The following SLIT2 variants were observed in gnomAD, a reference collection of about 807,000 sequenced individuals.
The protein encoded by SLIT2 is slit guidance ligand 2.
A neutral mutation model predicts 185.7 loss-of-function variants in SLIT2; 41 were observed. The observed-to-expected ratio is 0.22, with a 90% CI of 0.17 to 0.29. The LOEUF (loss-of-function observed/expected upper bound fraction) is 0.29. Among genes scored for constraint, SLIT2 ranks in the 10% least tolerant of loss-of-function variants. SLIT2 has a pLI of 1.00. For synonymous variants in SLIT2, 693 were observed against 680.2 expected, an observed-to-expected ratio of 1.02 and a Z score of -0.29; for missense variants, 1,571 against 1,909.0, an observed-to-expected ratio of 0.82 and a Z score of 3.30.
chr4:20,422,610 C>T (rs1728247579), intron 4 of SLIT2, among the ~76,000 whole-genome samples: 1 of 151,992 alleles, frequency 6.6e-6, no homozygotes, highest in Non-Finnish European at 1.5e-5. Flanking sequence ...TAATGAGAGG[C>T]AGTGGGCAGA....
chr4:20,455,546 A>G (rs1259306201), intron 4 of SLIT2, among the ~76,000 whole-genome samples: 1 of 152,184 alleles, frequency 6.6e-6, no homozygotes, highest in South Asian at 2.1e-4. Flanking sequence ...TGCTGCATTC[A>G]TCAGCCAAGA....
chr4:20,312,789 A>T (rs1000603002), intron 4 of SLIT2, among the ~76,000 whole-genome samples: 3 of 150,654 alleles, frequency 2.0e-5, no homozygotes, highest in African/African-American at 7.3e-5. Flanking sequence ...AAAAAAAAAA[A>T]AAAAGAAAGA....
intron 4 of SLIT2, among the ~76,000 whole-genome samples, chr4:20,313,298 G>A (rs924353130): frequency 1.3e-5 from 2 of 152,176 alleles, no homozygotes; most frequent in African/African-American, 4.8e-5. Flanking sequence ...CAAAGCTGGA[G>A]CAGGCACATC....
chr4:20,315,133 G>T (rs557692187), intron 4 of SLIT2, among the ~76,000 whole-genome samples: 41 of 152,140 alleles, frequency 2.7e-4, no homozygotes, highest in African/African-American at 9.2e-4. Flanking sequence ...TCAATACTGT[G>T]TATATTATTA....
Position 20,253,345 on chromosome 4 carries a change from T to G in SLIT2, c.-471T>G. On this transcript the variant is annotated 5_prime_UTR_variant, in exon 1 of 37. Transcript: ENST00000504154. Reference sequence around the variant, plus strand: ...ACTTTGATCGGGGCCATAATACCTATTGAGATCCCCTCTTCTGTCTTGTAC... The same window carrying G: ...ACTTTGATCGGGGCCATAATACCTAGTGAGATCCCCTCTTCTGTCTTGTAC... 6.2e-6 allele frequency: 1 copy of G among 161,788 alleles called. No individual in the cohort carries two copies. The highest frequency in any genetic ancestry group is 1.9e-4 in the East Asian group (1 of 5,400). The allele number at this position is 161,788 out of a possible 1,614,324, so 10.0% of individuals were successfully genotyped here.
intron 4 of SLIT2, among the ~76,000 whole-genome samples, chr4:20,356,861 CA>C (rs1722368329): frequency 6.6e-6 from 1 of 152,086 alleles, no homozygotes; most frequent in South Asian, 2.1e-4. Context: ...TCAGGGACTC[CA>C]GCCACTGGTG....
chr4:20,456,020 C>A (rs759190775), intron 4 of SLIT2, among the ~76,000 whole-genome samples: 2 of 152,042 alleles, frequency 1.3e-5, no homozygotes, highest in Non-Finnish European at 2.9e-5. Context: ...TATTTATAGA[C>A]CACTTTTACA....
rs1553908244 is a variant in SLIT2 at position 20,472,250 on chromosome 4, A to ATATCGATATATATC, written c.467+4430_467+4431insCGATATATATCTAT. Among the ~76,000 whole-genome samples, 33 of 43,978 alleles carry ATATCGATATATATC rather than the reference A, an allele frequency of 7.5e-4. 4 individuals are homozygous for ATATCGATATATATC. Among genetic ancestry groups the ATATCGATATATATC allele is most frequent in the African/African-American group, 2.8e-3 (29 of 10,526 alleles). The allele number at this position is 43,978 out of a possible 152,430, so 28.9% of individuals were successfully genotyped here. On this transcript the variant is annotated intron_variant, in intron 5 of 36. Transcript: ENST00000504154. ...TATATATATAGATCTATATATCTAT[A>ATATCGATATATATC]TATAGATCTATATATAGATATATAT...
chr4:20,451,382 A>G (rs115432539), intron 4 of SLIT2, among the ~76,000 whole-genome samples: 3,687 of 152,332 alleles, frequency 0.024, 59 homozygotes, highest in Non-Finnish European at 0.036. Context: ...CTAATTCCTT[A>G]AAGGATGTCT....
intron 6 of SLIT2, among the ~76,000 whole-genome samples, chr4:20,481,648 A>G (rs982830165): frequency 2.0e-5 from 3 of 152,092 alleles, no homozygotes; most frequent in South Asian, 2.1e-4. Context: ...TCAATTTATT[A>G]AAAGTTATCG....
At chr4:20,435,137 T>C (rs1331233042) in intron 4 of SLIT2, among the ~76,000 whole-genome samples, 4 of 152,254 alleles carry the variant, frequency 2.6e-5, no homozygotes, top group Admixed American at 2.6e-4. Flanking sequence ...TTGGGCTAAA[T>C]TCCTGAGATC....
chr4:20,328,409 A>G (rs1442436091), intron 4 of SLIT2, among the ~76,000 whole-genome samples: 2 of 152,066 alleles, frequency 1.3e-5, no homozygotes, highest in African/African-American at 2.4e-5. Context: ...TAAACAAATA[A>G]TTAGTTTTTG....
chr4:20,410,663 T>G (rs1213704165), intron 4 of SLIT2, among the ~76,000 whole-genome samples: 1 of 152,148 alleles, frequency 6.6e-6, no homozygotes, highest in Non-Finnish European at 1.5e-5. Flanking sequence ...GTACCATTTA[T>G]TAAATAGGGA....
chr4:20,566,788 G>A (rs926229322), intron 26 of SLIT2, among the ~76,000 whole-genome samples: 1 of 151,782 alleles, frequency 6.6e-6, no homozygotes, highest in African/African-American at 2.4e-5. Flanking sequence ...ATGTTACCTG[G>A]GCAGGTGCAT....
intron 4 of SLIT2, among the ~76,000 whole-genome samples, chr4:20,275,659 A>G (rs976542590): frequency 6.6e-6 from 1 of 152,132 alleles, no homozygotes; most frequent in Non-Finnish European, 1.5e-5. Flanking sequence ...CATTTGTACC[A>G]TGTTATTTCT....
intron 3 of SLIT2, among the ~76,000 whole-genome samples, chr4:20,264,886 C>A (rs1181508584): frequency 1.3e-5 from 2 of 151,866 alleles, no homozygotes; most frequent in Non-Finnish European, 2.9e-5. Context: ...ATGTTGTGGG[C>A]AGATTCCATT....
chr4:20,589,874 TTTTAAA>T, intron 30 of SLIT2, 137 bp downstream of exon 30: 1 of 620,292 alleles, frequency 1.6e-6, no homozygotes, highest in Non-Finnish European at 2.9e-6. Flanking sequence ...CAGTGACATT[TTTTAAA>T]TGTCGATATA....
intron 34 of SLIT2, among the ~76,000 whole-genome samples, chr4:20,611,159 C>A (rs1431678027): frequency 6.6e-6 from 1 of 152,196 alleles, no homozygotes; most frequent in Non-Finnish European, 1.5e-5. Flanking sequence ...TGTACAATTT[C>A]ATCACCATGA....
intron 4 of SLIT2, among the ~76,000 whole-genome samples, chr4:20,270,527 A>G (rs1713490657): frequency 6.6e-6 from 1 of 152,086 alleles, no homozygotes; most frequent in African/African-American, 2.4e-5. Flanking sequence ...CATAAAACCT[A>G]TGACAGCATT....
Sources: gnomAD v4.1 joint callset for allele counts (sites outside exome capture counted in the v4.1 genomes callset) on GRCh38, gnomAD v4.1.1 for gene constraint, MANE v1.5 for transcripts, NCBI Gene and HGNC (gene_info 2026-07-23, HGNC 2026-07-21) for gene names.